ADGRL3: variants seen among roughly 807,000 people sequenced by gnomAD.
The protein encoded by ADGRL3 is calcium-independent alpha-latrotoxin receptor 3.
Under a neutral mutation model 153.5 loss-of-function variants are expected in ADGRL3, and 62 were observed. That is an observed-to-expected ratio of 0.40 (90% confidence interval 0.33 to 0.50). The LOEUF is 0.50. Ranked by LOEUF, ADGRL3 falls within the 20% of genes least tolerant of loss-of-function variation. The pLI is 0.47. For synonymous variants in ADGRL3, 710 were observed against 672.5 expected (o/e 1.06, Z -0.86); for missense variants, 1,641 against 1,859.4 (o/e 0.88, Z 2.16).
chr4:61,605,473 T>C (rs1342610687), intron 5 of ADGRL3, among the ~76,000 whole-genome samples: 1 of 152,194 alleles, frequency 6.6e-6, no homozygotes, highest in African/African-American at 2.4e-5. Flanking sequence ...AATGTGATGG[T>C]ACTCTGTAGA....
chr4:62,036,062 G>A (rs1244578007), intron 23 of ADGRL3, among the ~76,000 whole-genome samples: 1 of 151,942 alleles, frequency 6.6e-6, no homozygotes, highest in Non-Finnish European at 1.5e-5. Context: ...GGACTGACTT[G>A]TAAACACTAA....
chr4:61,701,280 T>C (rs2095753796), intron 6 of ADGRL3, among the ~76,000 whole-genome samples: 1 of 152,080 alleles, frequency 6.6e-6, no homozygotes, highest in Non-Finnish European at 1.5e-5. Flanking sequence ...GCTCCTTAGC[T>C]TTATAGAATT....
rs747554116 is a variant in ADGRL3, at chr4:61,733,030, G to A, written c.875G>A (p.Arg292His). 11 of 1,613,706 alleles carry A rather than the reference G, an allele frequency of 6.8e-6. No individual in the cohort carries two copies. The highest frequency in any genetic ancestry group is 1.1e-5 in the South Asian group (1 of 91,076). ...GGAGCTTTGTTCTTCAACAAAGAGC[G>A]CACCAGGAACATAGTAAAGTTTGAT... ...YDGALFFNKE[R>H]TRNIVKFDLR... Residue 292 changes from arginine (R) to histidine (H), a missense_variant, in exon 8 of 27, where the codon CGC becomes CAC. Coordinates refer to ENST00000683033, the MANE Select transcript of ADGRL3 (RefSeq NM_001387552.1).
chr4:61,812,180 A>T (rs1043722547), intron 8 of ADGRL3, among the ~76,000 whole-genome samples: 1 of 152,174 alleles, frequency 6.6e-6, no homozygotes, highest in Non-Finnish European at 1.5e-5. Context: ...TGCTAACAGT[A>T]CACAATTAGT....
chr4:61,597,040 T>A (rs1437195074), intron 5 of ADGRL3, among the ~76,000 whole-genome samples: 1 of 152,022 alleles, frequency 6.6e-6, no homozygotes, highest in Non-Finnish European at 1.5e-5. Flanking sequence ...TTTTTTTTTT[T>A]CATGCATAAG....
chr4:61,804,246 G>T (rs2097530238), intron 8 of ADGRL3, among the ~76,000 whole-genome samples: 1 of 151,974 alleles, frequency 6.6e-6, no homozygotes, highest in Admixed American at 6.6e-5. Context: ...CAATACCTTT[G>T]CAAGGAACTT....
intron 3 of ADGRL3, among the ~76,000 whole-genome samples, chr4:61,514,605 C>T (rs1324647879): frequency 6.6e-6 from 1 of 152,036 alleles, no homozygotes; most frequent in Non-Finnish European, 1.5e-5. Context: ...TTCTGTCACC[C>T]ATTGGATTTC....
At chr4:61,505,785 A>G (rs1441906099) in intron 3 of ADGRL3, among the ~76,000 whole-genome samples, 3 of 151,640 alleles carry the variant, frequency 2.0e-5, no homozygotes, top group Non-Finnish European at 4.4e-5. Flanking sequence ...TCCACATATT[A>G]TATATTAGTG....
At chr4:61,930,712 C>G (rs1252725544) in intron 13 of ADGRL3, among the ~76,000 whole-genome samples, 1 of 151,882 alleles carries the variant, frequency 6.6e-6, no homozygotes, top group Non-Finnish European at 1.5e-5. Context: ...TGTCCATAAT[C>G]TTGGTGTGAA....
chr4:62,013,946 T>C (rs1186870841), intron 21 of ADGRL3, among the ~76,000 whole-genome samples: 4 of 152,086 alleles, frequency 2.6e-5, no homozygotes, highest in Non-Finnish European at 5.9e-5. Flanking sequence ...ATTATTCAGC[T>C]ACTTCAATAT....
At chr4:62,067,216 G>C (rs1743418015) in intron 25 of ADGRL3, among the ~76,000 whole-genome samples, 1 of 152,040 alleles carries the variant, frequency 6.6e-6, no homozygotes, top group South Asian at 2.1e-4. Context: ...TTAAATTATA[G>C]TAAGATAGAA....
At chr4:61,927,825 G>T (rs542089970) in intron 13 of ADGRL3, among the ~76,000 whole-genome samples, 88 of 151,898 alleles carry the variant, frequency 5.8e-4, no homozygotes, top group African/African-American at 2.0e-3. Context: ...CTTATATCAA[G>T]AAATCAAAGA....
At chr4:61,729,126 A>G (rs1290852778) in intron 6 of ADGRL3, among the ~76,000 whole-genome samples, 1 of 151,958 alleles carries the variant, frequency 6.6e-6, no homozygotes, top group Non-Finnish European at 1.5e-5. Context: ...GGGTGATGGG[A>G]TCAGTCATAC....
At chr4:61,957,456 T>C (rs1276019505) in intron 17 of ADGRL3, among the ~76,000 whole-genome samples, 1 of 152,086 alleles carries the variant, frequency 6.6e-6, no homozygotes, top group Non-Finnish European at 1.5e-5. Context: ...AGTCCATAAA[T>C]AAGCATAGCC....
chr4:61,766,650 G>A (rs1220870898), intron 8 of ADGRL3, among the ~76,000 whole-genome samples: 1 of 152,018 alleles, frequency 6.6e-6, no homozygotes, highest in African/African-American at 2.4e-5. Context: ...AAGTAATGGG[G>A]GCTGTCTGTG....
intron 2 of ADGRL3, among the ~76,000 whole-genome samples, chr4:61,425,626 G>A (rs1479223851): frequency 6.6e-6 from 1 of 152,188 alleles, no homozygotes; most frequent in Admixed American, 6.5e-5. Context: ...TGCCCAGGGT[G>A]GTGCTCCCCA....
chr4:61,643,802 A>G, intron 5 of ADGRL3, among the ~76,000 whole-genome samples: 1 of 145,860 alleles, frequency 6.9e-6, no homozygotes, highest in Non-Finnish European at 1.5e-5. Flanking sequence ...TGCTGGCCTC[A>G]TAAAATGAGT....
intron 2 of ADGRL3, among the ~76,000 whole-genome samples, chr4:61,453,603 T>G (rs1238161177): frequency 2.6e-5 from 4 of 152,134 alleles, no homozygotes; most frequent in Admixed American, 2.6e-4. Flanking sequence ...TGCTTTCCCC[T>G]TATCTACATT....
At chr4:61,930,046 GGC>G (rs1560390232) in intron 13 of ADGRL3, among the ~76,000 whole-genome samples, 1 of 151,950 alleles carries the variant, frequency 6.6e-6, no homozygotes, top group Non-Finnish European at 1.5e-5. Flanking sequence ...TGTGGTGACG[GGC>G]GCCTGTAGTC....
Sources: gnomAD v4.1 joint callset for allele counts (sites outside exome capture counted in the v4.1 genomes callset) on GRCh38, gnomAD v4.1.1 for gene constraint, MANE v1.5 for transcripts, NCBI Gene and HGNC (gene_info 2026-07-23, HGNC 2026-07-21) for gene names.